KIF19: variants seen among roughly 807,000 people sequenced by gnomAD.
KIF19 encodes kinesin-like protein KIF19.
KIF19 carries 98 observed loss-of-function variants against 106.6 expected under a neutral mutation model. The observed-to-expected ratio is 0.92, with a 90% CI of 0.78 to 1.09. The LOEUF is 1.09. Ranked by LOEUF, KIF19 falls within the 50% of genes least tolerant of loss-of-function variation. KIF19 has a pLI of 0.00. For missense variants in KIF19, 1,373 were observed against 1,414.3 expected (o/e 0.97, Z 0.47); for synonymous variants, 516 against 584.2 (o/e 0.88, Z 1.68).
chr17:74,354,378 G>A lies in KIF19; in HGVS notation c.2525G>A (p.Ser842Asn), dbSNP rs1358635646. Reference sequence around the variant, plus strand: ...AGCCCCACACTACAGCATGCTGCCAGTGAGGACAACCTGTCCAGCAGCACG... The same window carrying A: ...AGCCCCACACTACAGCATGCTGCCAATGAGGACAACCTGTCCAGCAGCACG... ...PPSPTLQHAA[S>N]EDNLSSSTGE... Residue 842 changes from serine (S) to asparagine (N), a missense_variant, in exon 18 of 20, where the codon AGT becomes AAT. Ser to Asn is a conservative substitution (Grantham distance 46). Around this residue, in one of 3 missense-constraint regions of KIF19, gnomAD observed 1,020 missense variants for 1,008.2 expected, o/e 1.01. Transcript: ENST00000389916. 1 of 1,609,550 alleles carries A rather than the reference G, an allele frequency of 6.2e-7. No homozygotes were observed. The highest frequency in any genetic ancestry group is 8.5e-7 in the Non-Finnish European group (1 of 1,178,514).
At position 74,344,756 on chromosome 17, in the gene KIF19, C is replaced by A; in HGVS notation, c.583-5C>A. ...TAAGAGCTGCCTCTCCTCCCTCCCA[C>A]CCAGATCATGCAGCTGCTGATGAAG... On this transcript the variant is annotated splice_region_variant and splice_polypyrimidine_tract_variant and intron_variant, in intron 6 of 19. Coordinates refer to ENST00000389916, the MANE Select transcript of KIF19 (RefSeq NM_153209.4). 1 of 1,604,564 alleles carries A rather than the reference C, an allele frequency of 6.2e-7. No individual in the cohort carries two copies. The highest frequency in any genetic ancestry group is 8.5e-7 in the Non-Finnish European group (1 of 1,173,394).
intron 12 of KIF19, 132 bp downstream of exon 12, chr17:74,351,037 C>G: frequency 1.2e-6 from 1 of 862,856 alleles, no homozygotes; most frequent in Non-Finnish European, 1.9e-6. Context: ...TCCTGTGTGA[C>G]TTTGCTAAGC....
chr17:74,346,509 C>T lies in KIF19; in HGVS notation c.909C>T (p.Leu303=). The stretch of plus-strand genomic sequence containing the variant: ...ACATCAACTATCGCGACAGCAAGCT[C>T]ACCCGGCTCCTGAAGGTACCAGCCA... The part of the protein sequence containing the change: ...NKYINYRDSK[L]TRLLKDSLGG... Residue 303 remains leucine, a synonymous_variant, in exon 8 of 20, where the codon CTC becomes CTT. Transcript: ENST00000389916. This position sits in a 1 kb window ranked among gnomAD's most constrained non-coding sequence, Gnocchi z 4.6. The T allele has an allele frequency of 6.4e-7, 1 of 1,551,082 alleles. No homozygotes were observed. Among genetic ancestry groups the T allele is most frequent in the Non-Finnish European group, 8.7e-7 (1 of 1,146,968 alleles).
intron 17 of KIF19, 72 bp from the exon 18 acceptor site, chr17:74,354,090 C>G: frequency 6.7e-7 from 1 of 1,498,116 alleles, no homozygotes; most frequent in Non-Finnish European, 8.9e-7. Context: ...CTACCCACGT[C>G]TGCCATGTCA....
chr17:74,347,820 T>C lies in KIF19; in HGVS notation c.968T>C (p.Ile323Thr). The C allele has an allele frequency of 1.9e-6, 3 of 1,587,952 alleles. No individual in the cohort carries two copies. The highest frequency in any genetic ancestry group is 2.6e-6 in the Non-Finnish European group (3 of 1,167,622). ...GNSRTVMIAH[I>T]SPASSAFEES... ...AGCCGCACAGTGATGATCGCTCACA[T>C]CAGTCCTGCGAGCAGTGCCTTCGAG... The change falls in exon 9 of 20, where the codon ATC (isoleucine) becomes ACC (threonine). Residue 323 changes from isoleucine (I) to threonine (T), a missense_variant. Around this residue, in one of 3 missense-constraint regions of KIF19, gnomAD observed 1,020 missense variants for 1,008.2 expected, o/e 1.01. Transcript: ENST00000389916.
chr17:74,344,632 G>T, intron 6 of KIF19, 129 bp from the exon 7 acceptor site: 1 of 1,019,278 alleles, frequency 9.8e-7, no homozygotes, highest in Non-Finnish European at 1.4e-6. Flanking sequence ...ACGGAGCCCA[G>T]CCCACTCCAG....
At position 74,346,411 on chromosome 17, in the gene KIF19, GCCCA is replaced by G. The variant is rs2054532263; in HGVS notation, c.813_816del (p.His272SerfsTer15). ...TCGTGGGCAGCGTATGAAGGAGGGG[GCCCA>G]CATCAACCGCTCACTGCTGGCACTG... is the stretch of plus-strand genomic sequence containing the variant. On this transcript the variant is annotated frameshift_variant, in exon 8 of 20. Coordinates refer to ENST00000389916, the MANE Select transcript of KIF19 (RefSeq NM_153209.4). LOFTEE classifies it high-confidence loss of function. The surrounding 1 kb of genome is among the most constrained non-coding windows in gnomAD (Gnocchi z 4.6). 1 of 1,575,328 alleles carries G rather than the reference GCCCA, an allele frequency of 6.3e-7. No homozygotes were observed. Among genetic ancestry groups the G allele is most frequent in the Admixed American group, 1.8e-5 (1 of 55,212 alleles).
rs1018018241 is a variant in KIF19, at chr17:74,351,998, G to A, written c.1719G>A (p.Glu573=). The change falls in exon 13 of 20, where the codon GAG becomes GAA. Residue 573 remains glutamate, a synonymous_variant. Coordinates refer to ENST00000389916, the MANE Select transcript of KIF19 (RefSeq NM_153209.4). ...LSLLCRVHEL[E]VENTEMQSHA... ...TGCTGTGCCGCGTGCACGAGCTCGA[G>A]GTGGAGAACACCGAGATGCAGTCGC... The A allele has an allele frequency of 4.5e-6, 7 of 1,546,782 alleles. No homozygotes were observed. The highest frequency in any genetic ancestry group is 5.2e-6 in the Non-Finnish European group (6 of 1,154,654).
intron 5 of KIF19, 140 bp from the exon 6 acceptor site, chr17:74,344,083 G>T: frequency 1.3e-6 from 1 of 748,640 alleles, no homozygotes; most frequent in East Asian, 3.0e-5. Context: ...CCTAATCAGG[G>T]CTCTTCTGAG....
At chr17:74,326,412 C>T (rs373678088) in intron 1 of KIF19, 24 bp downstream of exon 1, 1 of 1,609,192 alleles carries the variant, frequency 6.2e-7, no homozygotes, top group Non-Finnish European at 8.5e-7. Context: ...AGACCCTCCT[C>T]CCCACCCCGC....
chr17:74,336,143 A>G (rs2054215226), intron 2 of KIF19, among the ~76,000 whole-genome samples: 1 of 152,138 alleles, frequency 6.6e-6, no homozygotes, highest in East Asian at 1.9e-4. Context: ...ATCTCCGCTC[A>G]CTGCAACCTC....
At chr17:74,353,023 G>A in intron 15 of KIF19, 69 bp downstream of exon 15, 1 of 1,575,518 alleles carries the variant, frequency 6.3e-7, no homozygotes, top group Admixed American at 1.7e-5. Context: ...CCCAGACTAA[G>A]GCTAAATGGG....
chr17:74,333,821 G>A (rs1391292182), intron 2 of KIF19, among the ~76,000 whole-genome samples: 1 of 148,984 alleles, frequency 6.7e-6, no homozygotes, highest in Non-Finnish European at 1.5e-5. Context: ...TCACATTATA[G>A]CTCCTATCAG....
chr17:74,336,178 C>T (rs926662412), intron 2 of KIF19, among the ~76,000 whole-genome samples: 1 of 152,196 alleles, frequency 6.6e-6, no homozygotes, highest in Non-Finnish European at 1.5e-5. Flanking sequence ...AAGAGATTCT[C>T]ATGCCTCAGC....
chr17:74,333,505 G>C (rs2054146429), intron 2 of KIF19, among the ~76,000 whole-genome samples: 1 of 151,930 alleles, frequency 6.6e-6, no homozygotes, highest in African/African-American at 2.4e-5. Flanking sequence ...TGGGATTACA[G>C]GTGTGTGCCA....
intron 10 of KIF19, among the ~76,000 whole-genome samples, chr17:74,349,599 G>A (rs958738096): frequency 2.6e-5 from 4 of 152,238 alleles, no homozygotes; most frequent in Non-Finnish European, 5.9e-5. Context: ...GGGATCCCAC[G>A]AGGGAGAGGC....
intron 7 of KIF19, 36 bp downstream of exon 7, chr17:74,344,991 G>C: frequency 1.3e-6 from 2 of 1,553,636 alleles, no homozygotes; most frequent in Non-Finnish European, 1.7e-6. Flanking sequence ...GAGGAGGGAG[G>C]GTTGACCCAG....
chr17:74,343,746 A>G (rs555319023), intron 5 of KIF19, among the ~76,000 whole-genome samples: 1 of 152,200 alleles, frequency 6.6e-6, no homozygotes, highest in African/African-American at 2.4e-5. Context: ...GCTGGCCAAC[A>G]AGGTGTTGAT....
rs1029862994 is a variant in KIF19 at position 74,326,243 on chromosome 17, G to T, written c.-107G>T. On this transcript the variant is annotated 5_prime_UTR_variant, in exon 1 of 20. Coordinates refer to ENST00000389916, the MANE Select transcript of KIF19 (RefSeq NM_153209.4). The stretch of plus-strand genomic sequence containing the variant: ...TTGGTTTCGGGTTGTCAGGCAGCGC[G>T]CGAGGCGGCGGGCAGCTAGCAGCTG... 1.2e-4 allele frequency: 126 copies of T among 1,043,606 alleles called. No individual in the cohort carries two copies. The highest frequency in any genetic ancestry group is 1.5e-4 in the Non-Finnish European group (110 of 733,500). The allele number at this position is 1,043,606 out of a possible 1,614,324, so 64.6% of individuals were successfully genotyped here. A position where few individuals can be genotyped will look rare whatever the true frequency, so the allele number is the denominator to read the frequency against.
Sources: allele counts gnomAD v4.1 joint callset (sites outside exome capture counted in the v4.1 genomes callset), GRCh38; gene constraint gnomAD v4.1.1; regional missense constraint gnomAD v4.1.1; non-coding constraint Gnocchi (gnomAD v3.1); transcripts MANE v1.5; gene names NCBI Gene and HGNC (gene_info 2026-07-23, HGNC 2026-07-21).